The following RPS6KC1 variants were observed in gnomAD, a reference collection of about 807,000 sequenced individuals.
The protein encoded by RPS6KC1 is inactive ribosomal protein S6 kinase delta-1.
Under a neutral mutation model 103.8 loss-of-function variants are expected in RPS6KC1, and 54 were observed. That is an observed-to-expected ratio of 0.52 (90% CI 0.42 to 0.65). The LOEUF is 0.65. Ranked by LOEUF, RPS6KC1 falls within the 30% of genes least tolerant of loss-of-function variation. RPS6KC1 has a pLI of 0.00. For synonymous variants in RPS6KC1, 439 were observed against 438.7 expected, an observed-to-expected ratio of 1.00 and a Z score of -0.01; for missense variants, 1,151 against 1,253.8, an observed-to-expected ratio of 0.92 and a Z score of 1.24.
chr1:213,058,976 G>T (rs2077580747), intron 1 of RPS6KC1, among the ~76,000 whole-genome samples: 2 of 152,140 alleles, frequency 1.3e-5, no homozygotes, highest in Non-Finnish European at 2.9e-5. Flanking sequence ...TGTATATTTT[G>T]TTAGATTTAT....
At chr1:213,158,971 GTAA>G (rs2090194261) in intron 6 of RPS6KC1, among the ~76,000 whole-genome samples, 1 of 152,084 alleles carries the variant, frequency 6.6e-6, no homozygotes, top group South Asian at 2.1e-4. Context: ...AATAGTAGTA[GTAA>G]TAATAATGGT....
the RPS6KC1 span, among the ~76,000 whole-genome samples, chr1:213,765,211 G>A: frequency 9.8e-5 from 15 of 152,296 alleles, no homozygotes; most frequent in African/African-American, 2.4e-4. Context: ...CTTCTTGGGC[G>A]GTGACTGTTT....
the RPS6KC1 span, among the ~76,000 whole-genome samples, chr1:213,280,544 A>C: frequency 3.3e-5 from 5 of 152,200 alleles, no homozygotes; most frequent in Non-Finnish European, 7.3e-5. Context: ...CTTGTAGCAG[A>C]GCTGCTCTGT....
chr1:213,552,406 G>A, the RPS6KC1 span, among the ~76,000 whole-genome samples: 1 of 152,118 alleles, frequency 6.6e-6, no homozygotes, highest in Non-Finnish European at 1.5e-5. Flanking sequence ...TTGGATTTTG[G>A]CCATTGTAAT....
chr1:213,152,671 C>T (rs1275477076), intron 6 of RPS6KC1, among the ~76,000 whole-genome samples: 4 of 151,844 alleles, frequency 2.6e-5, no homozygotes, highest in East Asian at 2.0e-4. Context: ...TCCTCACTTC[C>T]TAGATGTGAT....
At chr1:213,326,611 G>T in the RPS6KC1 span, among the ~76,000 whole-genome samples, 2 of 152,126 alleles carry the variant, frequency 1.3e-5, no homozygotes, top group Non-Finnish European at 2.9e-5. Context: ...TCCTCTTCAG[G>T]ATTTTCAGCA....
the RPS6KC1 span, among the ~76,000 whole-genome samples, chr1:213,763,258 C>T: frequency 9.8e-5 from 15 of 152,306 alleles, no homozygotes; most frequent in African/African-American, 2.9e-4. Flanking sequence ...AGGAACCAAA[C>T]GACGAGAGTC....
At chr1:213,443,260 A>G in the RPS6KC1 span, among the ~76,000 whole-genome samples, 2 of 152,330 alleles carry the variant, frequency 1.3e-5, no homozygotes, top group African/African-American at 2.4e-5. Flanking sequence ...ATTTCTCAAC[A>G]TGATTCACTT....
At chr1:213,237,827 T>C (rs2094257642) in intron 10 of RPS6KC1, among the ~76,000 whole-genome samples, 1 of 152,118 alleles carries the variant, frequency 6.6e-6, no homozygotes, top group African/African-American at 2.4e-5. Context: ...AAAGTATCAT[T>C]TACAGTCTTA....
At chr1:213,236,471 T>C (rs1244503646) in intron 10 of RPS6KC1, among the ~76,000 whole-genome samples, 1 of 152,182 alleles carries the variant, frequency 6.6e-6, no homozygotes, top group African/African-American at 2.4e-5. Context: ...TTATTAAATA[T>C]TCAGGTGATG....
chr1:213,195,563 G>C (rs1406109541), intron 8 of RPS6KC1, among the ~76,000 whole-genome samples: 1 of 152,148 alleles, frequency 6.6e-6, no homozygotes, highest in Non-Finnish European at 1.5e-5. Flanking sequence ...TCTATCACCT[G>C]AGCATTGTAT....
intron 4 of RPS6KC1, among the ~76,000 whole-genome samples, chr1:213,116,684 C>T (rs573545962): frequency 7.3e-4 from 111 of 151,896 alleles, no homozygotes; most frequent in African/African-American, 2.5e-3. Context: ...TTTGCAGTGG[C>T]TGGTACCAGT....
the RPS6KC1 span, among the ~76,000 whole-genome samples, chr1:213,748,386 G>T: frequency 6.6e-6 from 1 of 152,194 alleles, no homozygotes; most frequent in Non-Finnish European, 1.5e-5. Context: ...CTGGAATGAG[G>T]TCTACTGGAC....
chr1:213,534,675 G>GA, the RPS6KC1 span, among the ~76,000 whole-genome samples: 2 of 151,980 alleles, frequency 1.3e-5, no homozygotes, highest in African/African-American at 4.8e-5. Flanking sequence ...AAAAACTTGG[G>GA]AGAAAAACAA....
At chr1:213,284,404 T>G in the RPS6KC1 span, among the ~76,000 whole-genome samples, 7 of 147,340 alleles carry the variant, frequency 4.8e-5, no homozygotes, top group Non-Finnish European at 7.4e-5. Flanking sequence ...TCTCAGCTAC[T>G]CAGGAGGCTG....
At position 213,217,114 on chromosome 1, in the gene RPS6KC1, TAGAC is replaced by T. The variant is rs1269429355; in HGVS notation, c.1045-13380_1045-13377del. Among the ~76,000 whole-genome samples the T allele has an allele frequency of 4.6e-5, 7 of 151,650 alleles. No individual in the cohort carries two copies. The East Asian group carries it at 1.4e-3, about 29-fold the overall frequency. On this transcript the variant is annotated intron_variant, in intron 8 of 14. Transcript: ENST00000366960. ...TTTTTGAAAAGATCAACAAAATTGA[TAGAC>T]AGCTAGCAAGACTAATACAGAAGAA...
At chr1:213,653,808 A>AT in the RPS6KC1 span, among the ~76,000 whole-genome samples, 32 of 152,198 alleles carry the variant, frequency 2.1e-4, no homozygotes, top group African/African-American at 7.7e-4. Context: ...TTAGGTTGGT[A>AT]TTAAACTCTA....
At chr1:213,586,502 G>T in the RPS6KC1 span, among the ~76,000 whole-genome samples, 2 of 152,222 alleles carry the variant, frequency 1.3e-5, no homozygotes, top group African/African-American at 4.8e-5. Context: ...GTCCTCTTTT[G>T]TAATCTAATG....
At chr1:213,751,092 A>C in the RPS6KC1 span, among the ~76,000 whole-genome samples, 2 of 152,276 alleles carry the variant, frequency 1.3e-5, no homozygotes, top group South Asian at 4.1e-4. Context: ...GGGCAAAGTC[A>C]TAGATACCAA....
Sources: gnomAD v4.1 joint callset for allele counts (sites outside exome capture counted in the v4.1 genomes callset) on GRCh38, gnomAD v4.1.1 for gene constraint, MANE v1.5 for transcripts, NCBI Gene and HGNC (gene_info 2026-07-23, HGNC 2026-07-21) for gene names.